The following CNOT6L variants were observed in gnomAD, a reference collection of about 807,000 sequenced individuals.
CNOT6L encodes the protein CCR4-NOT transcription complex subunit 6-like.
CNOT6L carries 7 observed loss-of-function variants against 64.0 expected under a neutral mutation model. That is an observed-to-expected ratio of 0.11 (90% CI 0.06 to 0.21). The LOEUF (loss-of-function observed/expected upper bound fraction) is 0.21. Ranked by LOEUF, CNOT6L falls within the 10% of genes least tolerant of loss-of-function variation. CNOT6L has a pLI of 1.00. For synonymous variants in CNOT6L, 193 were observed against 243.4 expected, an observed-to-expected ratio of 0.79 and a Z score of 1.93; for missense variants, 245 against 669.0, an observed-to-expected ratio of 0.37 and a Z score of 6.99.
chr4:77,773,011 G>T, intron 4 of CNOT6L, 70 bp downstream of exon 4: 1 of 859,856 alleles, frequency 1.2e-6, no homozygotes, highest in South Asian at 1.6e-5. Context: ...ACTAAAACTT[G>T]ACCTTTTTAA....
At chr4:77,722,798 C>CTAACTTTGATCAT (rs1721428877) in intron 11 of CNOT6L, among the ~76,000 whole-genome samples, 1 of 152,098 alleles carries the variant, frequency 6.6e-6, no homozygotes, top group Non-Finnish European at 1.5e-5. Context: ...AGGAGGATCC[C>CTAACTTTGATCAT]TAACTTTGAT....
chr4:77,715,985 A>C lies in CNOT6L; in HGVS notation c.*4446T>G, dbSNP rs878981038. The C allele has an allele frequency of 5.2e-5, 8 of 152,532 alleles. No homozygotes were observed. The highest frequency in any genetic ancestry group is 4.6e-4 in the Admixed American group (7 of 15,252). The allele number at this position is 152,532 out of a possible 1,614,324, so 9.4% of individuals were successfully genotyped here. On this transcript the variant is annotated 3_prime_UTR_variant, in exon 12 of 12. Transcript: ENST00000504123. ...GTATAAAAGTTCTCATCTGCCTACA[A>C]ATTTAAAACTTTAGTTCAAGCTTCT... is the stretch of plus-strand genomic sequence containing the variant.
intron 1 of CNOT6L, among the ~76,000 whole-genome samples, chr4:77,778,249 G>T (rs1728372961): frequency 6.6e-6 from 1 of 151,938 alleles, no homozygotes; most frequent in South Asian, 2.1e-4. Flanking sequence ...GTACTTTTGG[G>T]TAATAATAAA....
intron 1 of CNOT6L, among the ~76,000 whole-genome samples, chr4:77,793,993 A>C (rs1214961126): frequency 6.6e-6 from 1 of 151,622 alleles, no homozygotes; most frequent in East Asian, 1.9e-4. Context: ...TCTACTAAAA[A>C]TACAAAAAAT....
intron 1 of CNOT6L, among the ~76,000 whole-genome samples, chr4:77,818,685 C>G (rs1407731070): frequency 3.3e-5 from 5 of 152,124 alleles, no homozygotes; most frequent in Non-Finnish European, 7.4e-5. Context: ...CGGAGGCGGC[C>G]ACGGCGACGG....
chr4:77,716,575 T>C lies in CNOT6L; in HGVS notation c.*3856A>G, dbSNP rs1720769565. 1 of 152,190 alleles carries C rather than the reference T, an allele frequency of 6.6e-6. No individual in the cohort carries two copies. Among genetic ancestry groups the C allele is most frequent in the Admixed American group, 6.6e-5 (1 of 15,234 alleles). The allele number at this position is 152,190 out of a possible 1,614,324, so 9.4% of individuals were successfully genotyped here. A position where few individuals can be genotyped will look rare whatever the true frequency, so the allele number is the denominator to read the frequency against. ...CCATTTAACAATATAAACTTAGAAT[T>C]TTAAAATGGAACACTATATTTGCCC... On this transcript the variant is annotated 3_prime_UTR_variant, in exon 12 of 12. Transcript: ENST00000504123.
chr4:77,732,122 T>C (rs2109897119), intron 8 of CNOT6L, among the ~76,000 whole-genome samples: 1 of 152,246 alleles, frequency 6.6e-6, no homozygotes, highest in Non-Finnish European at 1.5e-5. Flanking sequence ...TTTTTCCATC[T>C]GACTTTTACT....
intron 1 of CNOT6L, among the ~76,000 whole-genome samples, chr4:77,803,209 CA>C (rs1249417852): frequency 2.0e-5 from 3 of 147,434 alleles, no homozygotes; most frequent in Non-Finnish European, 4.5e-5. Context: ...ATGCAGTGGC[CA>C]AAAAAAATGT....
intron 1 of CNOT6L, among the ~76,000 whole-genome samples, chr4:77,816,001 T>A (rs553760718): frequency 1.3e-5 from 2 of 152,332 alleles, no homozygotes; most frequent in Admixed American, 6.5e-5. Context: ...AAGTAATACA[T>A]ACAGAAATTC....
intron 1 of CNOT6L, among the ~76,000 whole-genome samples, chr4:77,815,083 C>T (rs1295391644): frequency 6.6e-6 from 1 of 152,078 alleles, no homozygotes; most frequent in African/African-American, 2.4e-5. Flanking sequence ...ATGGTAAGGT[C>T]CACCTAAATG....
chr4:77,789,445 G>A (rs1232030446), intron 1 of CNOT6L, among the ~76,000 whole-genome samples: 1 of 152,104 alleles, frequency 6.6e-6, no homozygotes, highest in African/African-American at 2.4e-5. Flanking sequence ...GGGAGGCTGA[G>A]GTGGGAGGGC....
chr4:77,803,279 C>T (rs1560435994), intron 1 of CNOT6L, among the ~76,000 whole-genome samples: 1 of 151,884 alleles, frequency 6.6e-6, no homozygotes, highest in Non-Finnish European at 1.5e-5. Flanking sequence ...ATATGTATGA[C>T]TTTTTGTTAT....
chr4:77,795,602 G>A (rs1368737633), intron 1 of CNOT6L, among the ~76,000 whole-genome samples: 2 of 152,104 alleles, frequency 1.3e-5, no homozygotes, highest in Non-Finnish European at 2.9e-5. Context: ...TCTCTCTCCT[G>A]CTGGCCTTGT....
At chr4:77,733,647 C>T (rs573548137) in intron 8 of CNOT6L, among the ~76,000 whole-genome samples, 9 of 152,026 alleles carry the variant, frequency 5.9e-5, no homozygotes, top group African/African-American at 2.2e-4. Flanking sequence ...TTACTTCTAC[C>T]AAAGCTAGGT....
chr4:77,751,534 C>T (rs937974306), intron 5 of CNOT6L, among the ~76,000 whole-genome samples: 13 of 152,228 alleles, frequency 8.5e-5, no homozygotes, highest in East Asian at 7.7e-4. Flanking sequence ...TTACACCTAA[C>T]AAATTTAAGA....
chr4:77,814,997 T>C (rs1238740052), intron 1 of CNOT6L, among the ~76,000 whole-genome samples: 2 of 152,326 alleles, frequency 1.3e-5, no homozygotes, highest in East Asian at 1.9e-4. Flanking sequence ...TTTATTGGTC[T>C]TTCTGGGTTA....
rs1045873359 is a variant in CNOT6L, at chr4:77,739,252, A to C, written c.872+2889T>G. ...TTTCATGTATGATTAAACAGTCATCAGTGAAGATGAGGAATTATCAGATAC... is the reference window on the plus strand; with the variant it reads ...TTTCATGTATGATTAAACAGTCATCCGTGAAGATGAGGAATTATCAGATAC... On this transcript the variant is annotated intron_variant, in intron 8 of 11. Coordinates refer to ENST00000504123, the MANE Select transcript of CNOT6L (RefSeq NM_144571.3). 2.6e-5 allele frequency among the ~76,000 whole-genome samples: 4 copies of C among 152,312 alleles called. No homozygotes were observed. The South Asian group carries it at 8.3e-4, about 32-fold the overall frequency.
intron 1 of CNOT6L, among the ~76,000 whole-genome samples, chr4:77,813,709 C>T (rs772883252): frequency 1.4e-4 from 21 of 152,146 alleles, no homozygotes; most frequent in Non-Finnish European, 2.8e-4. Flanking sequence ...GATCAAATCA[C>T]ACCTGCTAGA....
chr4:77,729,303 GTAGCCCA>G (rs574386602), intron 9 of CNOT6L, among the ~76,000 whole-genome samples: 147 of 152,316 alleles, frequency 9.7e-4, no homozygotes, highest in Non-Finnish European at 1.8e-3. Flanking sequence ...TTGGCAAACT[GTAGCCCA>G]TGGGCTAAAT....
Sources: allele counts gnomAD v4.1 joint callset (sites outside exome capture counted in the v4.1 genomes callset), GRCh38; gene constraint gnomAD v4.1.1; transcripts MANE v1.5; gene names NCBI Gene and HGNC (gene_info 2026-07-23, HGNC 2026-07-21).